The following SEM1 variants were observed in gnomAD, a reference collection of about 807,000 sequenced individuals.
SEM1 encodes SEM1 26S proteasome subunit, also known as 26S proteasome complex subunit SEM1.
SEM1 carries 3 observed loss-of-function variants against 12.7 expected under a neutral mutation model. That is an observed-to-expected ratio of 0.24 (90% CI 0.11 to 0.61). The LOEUF is 0.61. Among genes scored for constraint, SEM1 ranks in the 20% least tolerant of loss-of-function variants. The pLI is 0.88. For synonymous variants in SEM1, 30 were observed against 27.8 expected, an observed-to-expected ratio of 1.08 and a Z score of -0.25; for missense variants, 59 against 81.3, an observed-to-expected ratio of 0.73 and a Z score of 1.06.
At chr7:96,600,753 G>A (rs577780967) in intron 2 of SEM1, among the ~76,000 whole-genome samples, 48 of 152,320 alleles carry the variant, frequency 3.2e-4, no homozygotes, top group Middle Eastern at 3.4e-3. Context: ...AACAGAGGAG[G>A]TAGGTAGGCA....
At chr7:96,554,919 G>A (rs1374795719) in intron 2 of SEM1, among the ~76,000 whole-genome samples, 2 of 135,368 alleles carry the variant, frequency 1.5e-5, no homozygotes, top group African/African-American at 5.2e-5. Context: ...TCCTGGTTTA[G>A]TCTTGGGAGA....
chr7:96,597,950 C>A (rs1186475226), intron 2 of SEM1, among the ~76,000 whole-genome samples: 1 of 152,120 alleles, frequency 6.6e-6, no homozygotes, highest in African/African-American at 2.4e-5. Context: ...GCTCTGCATG[C>A]TGTTTTGCAT....
At chr7:96,706,047 T>C (rs1176685569) in intron 1 of SEM1, among the ~76,000 whole-genome samples, 1 of 152,134 alleles carries the variant, frequency 6.6e-6, no homozygotes, top group African/African-American at 2.4e-5. Context: ...TCAGTTTAAG[T>C]AGTCAAGAAG....
At chr7:96,653,698 A>G (rs1221206914) in intron 2 of SEM1, 1 of 152,204 alleles carries the variant, frequency 6.6e-6, no homozygotes, top group Non-Finnish European at 1.5e-5. Flanking sequence ...ACTAATCTAT[A>G]TCATTATTAC....
intron 2 of SEM1, among the ~76,000 whole-genome samples, chr7:96,588,904 A>G (rs577348745): frequency 4.6e-5 from 7 of 152,256 alleles, no homozygotes; most frequent in African/African-American, 9.6e-5. Flanking sequence ...GCACATGGGT[A>G]TATGTAAACC....
downstream of SEM1, chr7:96,622,417 G>C: frequency 1.9e-6 from 1 of 533,186 alleles, no homozygotes. Context: ...GAATCACTGA[G>C]GGGAAAACAG....
At chr7:96,516,744 G>A (rs1804107276) in intron 2 of SEM1, among the ~76,000 whole-genome samples, 3 of 152,118 alleles carry the variant, frequency 2.0e-5, no homozygotes, top group Admixed American at 2.0e-4. Flanking sequence ...TTATCTAAAG[G>A]AGTTGAAAAC....
chr7:96,503,814 A>G (rs1803655907), intron 3 of SEM1, among the ~76,000 whole-genome samples: 1 of 152,044 alleles, frequency 6.6e-6, no homozygotes, highest in Non-Finnish European at 1.5e-5. Flanking sequence ...GTTGTTGGTA[A>G]AGTGCATGGG....
intron 2 of SEM1, among the ~76,000 whole-genome samples, chr7:96,675,894 C>G (rs1789440437): frequency 6.6e-6 from 1 of 152,218 alleles, no homozygotes; most frequent in Admixed American, 6.5e-5. Flanking sequence ...GCTTCAGTTA[C>G]TTTCTCAAGT....
Position 96,640,808 on chromosome 7 carries a change from A to G in SEM1, c.171-18165T>C, listed in dbSNP as rs1202572966. On this transcript the variant is annotated intron_variant, in intron 2 of 2. Coordinates refer to the SEM1 transcript ENST00000417009. This position sits in a 1 kb window ranked among gnomAD's most constrained non-coding sequence, Gnocchi z 4.0. Reference sequence around the variant, plus strand: ...ATGCTATAAATGAGGGAGGCTATGCATGTGTCGGGGGAGGAGGAGGAGAGA... The same window carrying G: ...ATGCTATAAATGAGGGAGGCTATGCGTGTGTCGGGGGAGGAGGAGGAGAGA... Among the ~76,000 whole-genome samples the G allele has an allele frequency of 6.6e-6, 1 of 151,828 alleles. No individual in the cohort carries two copies. The highest frequency in any genetic ancestry group is 1.9e-4 in the East Asian group (1 of 5,164).
intron 2 of SEM1, among the ~76,000 whole-genome samples, chr7:96,651,445 G>C (rs1435443550): frequency 6.6e-6 from 1 of 152,112 alleles, no homozygotes; most frequent in Admixed American, 6.6e-5. Flanking sequence ...CAAAGGCAGA[G>C]TCAAGAACTA....
chr7:96,624,200 CTAAAATTT>C (rs1807986324), intron 2 of SEM1, among the ~76,000 whole-genome samples: 1 of 151,992 alleles, frequency 6.6e-6, no homozygotes, highest in Non-Finnish European at 1.5e-5. Context: ...ATAAGAAGAT[CTAAAATTT>C]ACTTTTACGT....
At chr7:96,550,045 A>T (rs916968151) in intron 2 of SEM1, among the ~76,000 whole-genome samples, 1 of 152,150 alleles carries the variant, frequency 6.6e-6, no homozygotes, top group Non-Finnish European at 1.5e-5. Context: ...TTGAATTAAA[A>T]ATTAGGTTTT....
intron 2 of SEM1, chr7:96,558,394 T>C (rs528845235): frequency 3.9e-5 from 6 of 152,326 alleles, no homozygotes; most frequent in African/African-American, 1.2e-4. Flanking sequence ...GATTACGATA[T>C]GCAAAGATTC....
intron 1 of SEM1, chr7:96,695,252 C>A (rs1790052681): frequency 1.2e-5 from 2 of 165,686 alleles, no homozygotes; most frequent in South Asian, 1.9e-4. Context: ...AGGAAGATAC[C>A]AGTGTGAAAT....
chr7:96,618,142 C>A (rs1807776174), downstream of SEM1, among the ~76,000 whole-genome samples: 1 of 152,122 alleles, frequency 6.6e-6, no homozygotes, highest in South Asian at 2.1e-4. Context: ...AGCTGTGAAT[C>A]CATCTGAACT....
In SEM1 at chr7:96,653,922, T is replaced by C. The variant is rs577591537; in HGVS notation, c.171-31279A>G. 5.9e-5 allele frequency: 9 copies of C among 152,304 alleles called. No individual in the cohort carries two copies. The South Asian group carries it at 1.9e-3, about 32-fold the overall frequency. The allele number at this position is 152,304 out of a possible 1,614,324, so 9.4% of individuals were successfully genotyped here. ...GGCCGGGGAATTATACTTAATAGTGTCTATTTCTTTATGCAATTGGAAGCT... is the reference window on the plus strand; with the variant it reads ...GGCCGGGGAATTATACTTAATAGTGCCTATTTCTTTATGCAATTGGAAGCT... On this transcript the variant is annotated intron_variant, in intron 2 of 2. Transcript: ENST00000417009.
intron 3 of SEM1, among the ~76,000 whole-genome samples, chr7:96,502,125 T>A (rs1046112318): frequency 2.6e-5 from 4 of 152,142 alleles, no homozygotes; most frequent in Non-Finnish European, 5.9e-5. Flanking sequence ...TATCCAGTCC[T>A]ATGTGGACTA....
rs1042985819 is a variant in SEM1 at position 96,709,824 on chromosome 7, C to T, written c.-61G>A. The T allele has an allele frequency of 1.8e-4, 276 of 1,515,454 alleles. No individual in the cohort carries two copies. The highest frequency in any genetic ancestry group is 3.1e-5 in the Non-Finnish European group (34 of 1,092,900). The allele number at this position is 1,515,454 out of a possible 1,614,324, so 93.9% of individuals were successfully genotyped here. A position where few individuals can be genotyped will look rare whatever the true frequency, so the allele number is the denominator to read the frequency against. ...AGAAAAGTTGGAACCCTCACTCTTC[C>T]TCAAGGAAACGCCACCGTCACTACC... On this transcript the variant is annotated 5_prime_UTR_variant, in exon 1 of 3. Transcript: ENST00000248566.
Sources: allele counts gnomAD v4.1 joint callset (sites outside exome capture counted in the v4.1 genomes callset), GRCh38; gene constraint gnomAD v4.1.1; non-coding constraint Gnocchi (gnomAD v3.1); transcripts MANE v1.5; gene names NCBI Gene and HGNC (gene_info 2026-07-23, HGNC 2026-07-21).